The following THRB variants were observed in gnomAD, a reference collection of about 807,000 sequenced individuals.
The protein encoded by THRB is nuclear receptor subfamily 1 group A member 2.
Under a neutral mutation model 47.8 loss-of-function variants are expected in THRB, and 12 were observed. The ratio of observed to expected loss-of-function variants is 0.25; its 90% CI spans 0.16 to 0.41. The LOEUF is 0.41. THRB is among the 10% of genes least tolerant of loss of function. THRB has a pLI of 1.00. For missense variants in THRB, 348 were observed against 589.2 expected (o/e 0.59, Z 4.24); for synonymous variants, 218 against 212.2 (o/e 1.03, Z -0.24).
chr3:24,344,357 G>A (rs1342052452), intron 1 of THRB, among the ~76,000 whole-genome samples: 1 of 152,000 alleles, frequency 6.6e-6, no homozygotes, highest in Non-Finnish European at 1.5e-5. Flanking sequence ...CATTTGAAAA[G>A]ACATGTAATT....
intron 2 of THRB, among the ~76,000 whole-genome samples, chr3:24,315,316 T>C (rs142984677): frequency 5.9e-5 from 9 of 152,322 alleles, no homozygotes; most frequent in African/African-American, 2.2e-4. Context: ...GAGCTTCTCA[T>C]TCTCTACTTC....
chr3:24,485,804 T>C lies in THRB; in HGVS notation c.-261+8848A>G, dbSNP rs531340284. ...CTATGGGTTCCCACAATGTACATTG[T>C]ACTTAACTATGTCATTGGACTTACA... On this transcript the variant is annotated intron_variant, in intron 1 of 10. Coordinates refer to ENST00000646209, the MANE Select transcript of THRB (RefSeq NM_001354712.2). Among the ~76,000 whole-genome samples the C allele has an allele frequency of 1.4e-4, 22 of 152,342 alleles. No homozygotes were observed. In the South Asian group the frequency reaches 4.4e-3, roughly 30 times the overall value.
intron 1 of THRB, among the ~76,000 whole-genome samples, chr3:24,341,273 A>C: frequency 7.9e-6 from 1 of 126,496 alleles, no homozygotes; most frequent in Non-Finnish European, 1.6e-5. Flanking sequence ...ACTTTGTCAC[A>C]CAGGCTGGAG....
chr3:24,434,236 C>A (rs1039526108), intron 1 of THRB, among the ~76,000 whole-genome samples: 35 of 152,062 alleles, frequency 2.3e-4, no homozygotes, highest in African/African-American at 7.5e-4. Context: ...ATGTTCTTGG[C>A]AAAAAATCCT....
chr3:24,242,108 C>G lies in THRB; in HGVS notation c.-42-13107G>C, dbSNP rs188101925. Among the ~76,000 whole-genome samples, 197 of 152,240 alleles carry G rather than the reference C, an allele frequency of 1.3e-3. 1 individual carries two copies. Among genetic ancestry groups the G allele is most frequent in the Admixed American group, 0.012 (181 of 15,300 alleles). Reference sequence around the variant, plus strand: ...TGGCGTGCCACCTCTGAGAGGTTGCCAACACTGGGTCTAAATTATCTCCCA... The same window carrying G: ...TGGCGTGCCACCTCTGAGAGGTTGCGAACACTGGGTCTAAATTATCTCCCA... On this transcript the variant is annotated intron_variant, in intron 3 of 10. Transcript: ENST00000646209.
At chr3:24,285,925 G>A (rs1203527158) in intron 3 of THRB, among the ~76,000 whole-genome samples, 1 of 152,148 alleles carries the variant, frequency 6.6e-6, no homozygotes, top group Non-Finnish European at 1.5e-5. Context: ...CAATGTGATG[G>A]TATTTGGAGG....
At chr3:24,314,985 C>A (rs1164790653) in intron 2 of THRB, among the ~76,000 whole-genome samples, 1 of 152,194 alleles carries the variant, frequency 6.6e-6, no homozygotes, top group Non-Finnish European at 1.5e-5. Flanking sequence ...GTATTACCCT[C>A]CTTCCTCTCC....
intron 2 of THRB, among the ~76,000 whole-genome samples, chr3:24,334,559 G>A (rs2062120856): frequency 6.6e-6 from 1 of 152,134 alleles, no homozygotes; most frequent in Non-Finnish European, 1.5e-5. Context: ...CCTCACTATG[G>A]CATCTCATTT....
At chr3:24,363,242 C>A (rs547026997) in intron 1 of THRB, among the ~76,000 whole-genome samples, 17 of 152,264 alleles carry the variant, frequency 1.1e-4, no homozygotes, top group African/African-American at 3.8e-4. Flanking sequence ...TGAGAGCCAA[C>A]TGCAGGAATT....
At chr3:24,186,525 T>C (rs970769939) in intron 5 of THRB, among the ~76,000 whole-genome samples, 4 of 152,138 alleles carry the variant, frequency 2.6e-5, no homozygotes, top group Admixed American at 2.0e-4. Flanking sequence ...TCAACAGAGA[T>C]CTGTTGTGAG....
At chr3:24,452,105 C>T (rs2072721801) in intron 1 of THRB, among the ~76,000 whole-genome samples, 1 of 152,154 alleles carries the variant, frequency 6.6e-6, no homozygotes. Flanking sequence ...GTCTTGGGGG[C>T]TGGGGAGTAA....
intron 2 of THRB, among the ~76,000 whole-genome samples, chr3:24,323,719 A>G (rs957153953): frequency 8.5e-5 from 13 of 152,248 alleles, no homozygotes; most frequent in Admixed American, 6.5e-5. Context: ...AGAATACTCC[A>G]GAAGTCATAA....
chr3:24,409,715 CAA>C (rs982172262), intron 1 of THRB, among the ~76,000 whole-genome samples: 3 of 151,778 alleles, frequency 2.0e-5, no homozygotes, highest in Admixed American at 6.6e-5. Flanking sequence ...CATTTTGAAA[CAA>C]GAGATTCTGA....
intron 1 of THRB, among the ~76,000 whole-genome samples, chr3:24,474,383 C>T (rs150462345): frequency 9.8e-5 from 15 of 152,310 alleles, no homozygotes; most frequent in African/African-American, 3.4e-4. Context: ...TTTGGCCCAT[C>T]ATACTCTTAT....
At chr3:24,246,124 G>A (rs1271809096) in intron 3 of THRB, among the ~76,000 whole-genome samples, 2 of 152,198 alleles carry the variant, frequency 1.3e-5, no homozygotes, top group Non-Finnish European at 2.9e-5. Context: ...GGAATTAAAT[G>A]AGTTCATGCA....
At chr3:24,166,543 T>C (rs866614215) in intron 5 of THRB, among the ~76,000 whole-genome samples, 11 of 152,194 alleles carry the variant, frequency 7.2e-5, no homozygotes, top group Admixed American at 6.5e-5. Context: ...CCAAATTAGA[T>C]TGTGAATGCT....
intron 2 of THRB, among the ~76,000 whole-genome samples, chr3:24,331,272 G>C (rs914464781): frequency 6.6e-6 from 1 of 151,726 alleles, no homozygotes; most frequent in Non-Finnish European, 1.5e-5. Context: ...AAAAATTAAA[G>C]ACAAAAAGAA....
At chr3:24,367,558 T>C (rs2064566139) in intron 1 of THRB, among the ~76,000 whole-genome samples, 1 of 152,222 alleles carries the variant, frequency 6.6e-6, no homozygotes, top group South Asian at 2.1e-4. Context: ...CAAGTCCTTC[T>C]ATGCCATCTA....
chr3:24,375,428 G>T (rs2065210819), intron 1 of THRB, among the ~76,000 whole-genome samples: 2 of 139,884 alleles, frequency 1.4e-5, no homozygotes, highest in East Asian at 2.0e-4. Flanking sequence ...ATTATAGTTA[G>T]ACATATAATA....
Sources: gnomAD v4.1 joint callset for allele counts (sites outside exome capture counted in the v4.1 genomes callset) on GRCh38, gnomAD v4.1.1 for gene constraint, MANE v1.5 for transcripts, NCBI Gene and HGNC (gene_info 2026-07-23, HGNC 2026-07-21) for gene names.